The following DPH6 variants were observed in gnomAD, a reference collection of about 807,000 sequenced individuals.
The protein encoded by DPH6 is diphthine--ammonia ligase.
DPH6 carries 33 observed loss-of-function variants against 38.2 expected under a neutral mutation model. That is an observed-to-expected ratio of 0.86 (90% CI 0.65 to 1.15). DPH6 has a LOEUF of 1.15. Ranked by LOEUF, DPH6 falls within the 50% of genes most tolerant of loss-of-function variation. The pLI is 0.00. For missense variants in DPH6, 325 were observed against 320.0 expected (o/e 1.02, Z -0.12); for synonymous variants, 108 against 103.0 (o/e 1.05, Z -0.30).
intron 3 of DPH6, chr15:35,237,987 A>G (rs759918950): frequency 5.1e-5 from 75 of 1,470,674 alleles, no homozygotes; most frequent in Middle Eastern, 3.4e-4. Context: ...GAGGAAGATG[A>G]AGAAGAGCTC....
At chr15:35,348,987 T>G (rs1240033871) in intron 3 of DPH6, among the ~76,000 whole-genome samples, 1 of 152,216 alleles carries the variant, frequency 6.6e-6, no homozygotes, top group Non-Finnish European at 1.5e-5. Flanking sequence ...AACTAATTTT[T>G]GTGTGTCAAT....
At chr15:35,185,721 A>G in the DPH6 span, among the ~76,000 whole-genome samples, 8 of 120,650 alleles carry the variant, frequency 6.6e-5, no homozygotes, top group East Asian at 2.0e-3. Context: ...TGTCCAATCC[A>G]CTCTTTTTTT....
chr15:35,439,159 T>C (rs1234562524), intron 5 of DPH6, among the ~76,000 whole-genome samples: 2 of 152,198 alleles, frequency 1.3e-5, no homozygotes, highest in Non-Finnish European at 2.9e-5. Context: ...ATTAGAAAAT[T>C]AGGGTTGATA....
At chr15:35,299,549 G>A (rs2052040573) in intron 3 of DPH6, 2 of 526,478 alleles carry the variant, frequency 3.8e-6, no homozygotes, top group Admixed American at 3.6e-5. Flanking sequence ...ACCCTCCGCT[G>A]AGTCCGCGGG....
At chr15:35,169,301 T>C in the DPH6 span, among the ~76,000 whole-genome samples, 1 of 152,138 alleles carries the variant, frequency 6.6e-6, no homozygotes, top group Non-Finnish European at 1.5e-5. Flanking sequence ...TGAAGACATA[T>C]GTATCATTTC....
In DPH6 at chr15:35,371,506, C is replaced by T. The variant is rs939011154; in HGVS notation, c.*644G>A. 16 of 894,904 alleles carry T rather than the reference C, an allele frequency of 1.8e-5. No individual in the cohort carries two copies. The African/African-American group carries it at 2.9e-4, about 16-fold the overall frequency. The allele number at this position is 894,904 out of a possible 1,614,324, so 55.4% of individuals were successfully genotyped here. A position where few individuals can be genotyped will look rare whatever the true frequency, so the allele number is the denominator to read the frequency against. On this transcript the variant is annotated 3_prime_UTR_variant, in exon 9 of 9. Transcript: ENST00000256538. Reference sequence around the variant, plus strand: ...TTTTCTGCTCCATTTTTGCTGTGAACCTAAAACTGTTCTAAAACATAAAGT... The same window carrying T: ...TTTTCTGCTCCATTTTTGCTGTGAATCTAAAACTGTTCTAAAACATAAAGT...
At chr15:35,389,366 G>C (rs1487765646) in intron 6 of DPH6, among the ~76,000 whole-genome samples, 1 of 152,162 alleles carries the variant, frequency 6.6e-6, no homozygotes, top group Non-Finnish European at 1.5e-5. Context: ...TCTGCTTGGT[G>C]CAGAGCTGAG....
At chr15:35,524,952 T>C (rs982776015) in intron 3 of DPH6, among the ~76,000 whole-genome samples, 1 of 152,168 alleles carries the variant, frequency 6.6e-6, no homozygotes, top group African/African-American at 2.4e-5. Context: ...AGTTGACTAT[T>C]TGATATAAAA....
chr15:35,454,824 A>T lies in DPH6; in HGVS notation c.313-4T>A. 1.3e-6 allele frequency: 2 copies of T among 1,590,014 alleles called. No homozygotes were observed. The highest frequency in any genetic ancestry group is 1.7e-6 in the Non-Finnish European group (2 of 1,170,436). On this transcript the variant is annotated splice_polypyrimidine_tract_variant and splice_region_variant and intron_variant, in intron 3 of 8. Coordinates refer to ENST00000256538, the MANE Select transcript of DPH6 (RefSeq NM_080650.4). The stretch of plus-strand genomic sequence containing the variant: ...TCCCCTCTACTTCTTCTTTTTCCTG[A>T]AAATAAAGAAAAAAACCATAACTTT...
At chr15:35,151,682 G>T in the DPH6 span, among the ~76,000 whole-genome samples, 1 of 152,216 alleles carries the variant, frequency 6.6e-6, no homozygotes, top group African/African-American at 2.4e-5. Context: ...CCAGTGTGGT[G>T]CCTGCCTTGT....
intron 3 of DPH6, among the ~76,000 whole-genome samples, chr15:35,232,313 G>A (rs915910594): frequency 6.6e-6 from 1 of 152,164 alleles, no homozygotes; most frequent in African/African-American, 2.4e-5. Flanking sequence ...CAGGCGCGGT[G>A]GCTCATGCCT....
chr15:35,374,397 C>T (rs916358830), intron 7 of DPH6, among the ~76,000 whole-genome samples: 1 of 151,918 alleles, frequency 6.6e-6, no homozygotes, highest in Non-Finnish European at 1.5e-5. Flanking sequence ...GCATTTTGAC[C>T]ATTGTAGTAC....
At chr15:35,197,940 G>C in the DPH6 span, among the ~76,000 whole-genome samples, 1 of 152,074 alleles carries the variant, frequency 6.6e-6, no homozygotes, top group Non-Finnish European at 1.5e-5. Context: ...TTTGTCACTG[G>C]TTGCATTTCC....
At chr15:35,286,019 T>C (rs1436511493) in intron 3 of DPH6, among the ~76,000 whole-genome samples, 1 of 151,960 alleles carries the variant, frequency 6.6e-6, no homozygotes, top group Non-Finnish European at 1.5e-5. Context: ...TAATAATCTT[T>C]GAGGCAATGA....
At chr15:35,470,760 T>C (rs2054188765) in intron 3 of DPH6, among the ~76,000 whole-genome samples, 1 of 152,182 alleles carries the variant, frequency 6.6e-6, no homozygotes, top group African/African-American at 2.4e-5. Flanking sequence ...GGCTTCACAG[T>C]CTTTAAAAGT....
intron 3 of DPH6, among the ~76,000 whole-genome samples, chr15:35,349,103 A>G (rs1187461149): frequency 1.3e-5 from 2 of 152,106 alleles, no homozygotes; most frequent in Admixed American, 1.3e-4. Context: ...TCATTTGTGA[A>G]CAGAGTTAAT....
chr15:35,191,726 G>A, the DPH6 span, among the ~76,000 whole-genome samples: 1 of 152,124 alleles, frequency 6.6e-6, no homozygotes. Flanking sequence ...TCTTGTCTGA[G>A]TTCCTTCCTG....
chr15:35,312,729 T>C (rs1249946014), intron 3 of DPH6, among the ~76,000 whole-genome samples: 1 of 152,200 alleles, frequency 6.6e-6, no homozygotes, highest in African/African-American at 2.4e-5. Context: ...ATTTCCTTCT[T>C]TTGCATATAG....
At chr15:35,363,709 CT>C (rs903814684) in intron 3 of DPH6, among the ~76,000 whole-genome samples, 1 of 151,688 alleles carries the variant, frequency 6.6e-6, no homozygotes, top group African/African-American at 2.4e-5. Flanking sequence ...ACTGTTTTGC[CT>C]TTTTTCTTTT....
Sources: allele counts gnomAD v4.1 joint callset (sites outside exome capture counted in the v4.1 genomes callset), GRCh38; gene constraint gnomAD v4.1.1; transcripts MANE v1.5; gene names NCBI Gene and HGNC (gene_info 2026-07-23, HGNC 2026-07-21).